The following USP34 variants were observed in gnomAD, a reference collection of about 807,000 sequenced individuals.
USP34 encodes ubiquitin carboxyl-terminal hydrolase 34.
Under a neutral mutation model 460.3 loss-of-function variants are expected in USP34, and 70 were observed. That is an observed-to-expected ratio of 0.15 (90% CI 0.13 to 0.19). The LOEUF (loss-of-function observed/expected upper bound fraction) is 0.19. Among genes scored for constraint, USP34 ranks in the 10% least tolerant of loss-of-function variants. USP34 has a pLI of 1.00. For synonymous variants in USP34, 1,647 were observed against 1,405.3 expected, an observed-to-expected ratio of 1.17 and a Z score of -3.85; for missense variants, 3,985 against 4,236.2, an observed-to-expected ratio of 0.94 and a Z score of 1.65.
intron 5 of USP34, among the ~76,000 whole-genome samples, chr2:61,393,114 A>G (rs533471579): frequency 6.6e-6 from 1 of 152,300 alleles, no homozygotes; most frequent in South Asian, 2.1e-4. Flanking sequence ...TATCATCATC[A>G]TTCCCATTTT....
chr2:61,293,590 A>G, intron 32 of USP34, 40 bp from the exon 33 acceptor site: 1 of 1,490,624 alleles, frequency 6.7e-7, no homozygotes, highest in Non-Finnish European at 9.3e-7. Context: ...AGAAAAGCAG[A>G]TATATAATGC....
intron 8 of USP34, among the ~76,000 whole-genome samples, chr2:61,376,321 T>C (rs765529068): frequency 6.6e-5 from 10 of 152,244 alleles, no homozygotes; most frequent in Non-Finnish European, 1.0e-4. Flanking sequence ...TACTCTCCCT[T>C]GCCATCTTGA....
At chr2:61,424,744 G>C (rs1694461190) in intron 1 of USP34, among the ~76,000 whole-genome samples, 1 of 151,962 alleles carries the variant, frequency 6.6e-6, no homozygotes, top group Non-Finnish European at 1.5e-5. Context: ...TAAATTTTAT[G>C]TTCTATATTT....
Position 61,229,489 on chromosome 2 carries a change from CAAA to C in USP34, c.7199+56_7199+58del, listed in dbSNP as rs1687830787. ...AAAAAAAAAAAACAAAAAAAAAAAA[CAAA>C]AACACCACACACACACAACACAGAC... On this transcript the variant is annotated intron_variant, in intron 59 of 79. Coordinates refer to ENST00000398571, the MANE Select transcript of USP34 (RefSeq NM_014709.4). 12 of 412,060 alleles carry C rather than the reference CAAA, an allele frequency of 2.9e-5. No individual in the cohort carries two copies. In the South Asian group the frequency reaches 5.6e-4, roughly 19 times the overall value. 25.5% of individuals were successfully genotyped at this position (412,060 alleles called of 1,614,324 possible). A position where few individuals can be genotyped will look rare whatever the true frequency, so the allele number is the denominator to read the frequency against.
intron 3 of USP34, among the ~76,000 whole-genome samples, chr2:61,395,594 C>T: frequency 6.9e-6 from 1 of 145,038 alleles, no homozygotes; most frequent in South Asian, 2.1e-4. Flanking sequence ...GTCAGGAGAT[C>T]GAGACCACGG....
At chr2:61,448,045 T>C (rs1389312585) in intron 1 of USP34, among the ~76,000 whole-genome samples, 1 of 152,188 alleles carries the variant, frequency 6.6e-6, no homozygotes, top group Non-Finnish European at 1.5e-5. Flanking sequence ...CAAGTCAAAA[T>C]TTATTTTAAA....
At chr2:61,320,182 T>G (rs1320175385) in intron 21 of USP34, among the ~76,000 whole-genome samples, 1 of 152,264 alleles carries the variant, frequency 6.6e-6, no homozygotes, top group Non-Finnish European at 1.5e-5. Context: ...ACAATTTGTA[T>G]TCATTCATTT....
At chr2:61,329,151 A>G (rs531916076) in intron 20 of USP34, among the ~76,000 whole-genome samples, 33 of 151,030 alleles carry the variant, frequency 2.2e-4, no homozygotes, top group African/African-American at 8.0e-4. Flanking sequence ...CCGCCTGAGT[A>G]GCTGAGATTA....
intron 18 of USP34, among the ~76,000 whole-genome samples, chr2:61,338,830 G>A (rs1055065608): frequency 6.6e-6 from 1 of 152,128 alleles, no homozygotes; most frequent in Non-Finnish European, 1.5e-5. Context: ...AAAGACTTTT[G>A]AGGTATGACA....
chr2:61,431,522 T>C (rs1694674525), intron 1 of USP34, among the ~76,000 whole-genome samples: 1 of 152,352 alleles, frequency 6.6e-6, no homozygotes, highest in Admixed American at 6.5e-5. Context: ...TCACTGATCC[T>C]GGCTTTAGGA....
chr2:61,244,046 G>T lies in USP34; in HGVS notation c.6627+1164C>A, dbSNP rs1018653716. Among the ~76,000 whole-genome samples, 8 of 151,852 alleles carry T rather than the reference G, an allele frequency of 5.3e-5. No individual in the cohort carries two copies. In the East Asian group the frequency reaches 1.2e-3, roughly 22 times the overall value. On this transcript the variant is annotated intron_variant, in intron 51 of 79. Transcript: ENST00000398571. ...AGACAAGAACACCGAGAAGCAATAA[G>T]GAAGCCCTTCATTAAAATCTGGAAT... is the stretch of plus-strand genomic sequence containing the variant.
At chr2:61,199,437 G>A (rs1284637116) in intron 75 of USP34, among the ~76,000 whole-genome samples, 6 of 152,102 alleles carry the variant, frequency 3.9e-5, no homozygotes, top group Admixed American at 3.3e-4. Flanking sequence ...TGTATTTTCA[G>A]TAGAGACAGG....
In USP34 at chr2:61,344,189, C is replaced by T. The variant is rs915346322; in HGVS notation, c.2286-160G>A. Among the ~76,000 whole-genome samples, 35 of 152,138 alleles carry T rather than the reference C, an allele frequency of 2.3e-4. 1 individual carries two copies. The highest frequency in any genetic ancestry group is 1.8e-3 in the Admixed American group (27 of 15,272). On this transcript the variant is annotated intron_variant, in intron 15 of 79. Coordinates refer to ENST00000398571, the MANE Select transcript of USP34 (RefSeq NM_014709.4). ...GTTGAGAGCTTTACGAAACTGAAAA[C>T]TTCACACTGTCAGAATTATTAAATA...
At chr2:61,287,569 C>T (rs1170672744) in intron 34 of USP34, among the ~76,000 whole-genome samples, 1 of 152,210 alleles carries the variant, frequency 6.6e-6, no homozygotes, top group Admixed American at 6.5e-5. Context: ...TCCTCTTCTA[C>T]TTCCTGATCA....
chr2:61,328,158 C>G (rs1411338946), intron 20 of USP34, among the ~76,000 whole-genome samples: 1 of 151,906 alleles, frequency 6.6e-6, no homozygotes, highest in East Asian at 1.9e-4. Flanking sequence ...GAAAACGAGC[C>G]GGGTGCAGTG....
chr2:61,251,651 T>C (rs1312062142), intron 48 of USP34, among the ~76,000 whole-genome samples: 1 of 152,240 alleles, frequency 6.6e-6, no homozygotes, highest in Non-Finnish European at 1.5e-5. Flanking sequence ...TTTATTCCTA[T>C]CCTTTGTCCT....
chr2:61,394,015 G>C (rs1693437747), intron 5 of USP34, among the ~76,000 whole-genome samples: 1 of 152,068 alleles, frequency 6.6e-6, no homozygotes, highest in Non-Finnish European at 1.5e-5. Context: ...CAGCTACTTG[G>C]GAGGCTGAGG....
intron 34 of USP34, among the ~76,000 whole-genome samples, chr2:61,287,124 T>C (rs1482714939): frequency 1.3e-5 from 2 of 152,226 alleles, no homozygotes; most frequent in African/African-American, 2.4e-5. Flanking sequence ...ATGTAAATGA[T>C]TTGGAATACT....
intron 29 of USP34, among the ~76,000 whole-genome samples, chr2:61,298,096 G>A (rs2103631977): frequency 6.6e-6 from 1 of 152,152 alleles, no homozygotes; most frequent in East Asian, 1.9e-4. Context: ...GTTCTGCAAT[G>A]ACTGAAAGTC....
Sources: gnomAD v4.1 joint callset for allele counts (sites outside exome capture counted in the v4.1 genomes callset) on GRCh38, gnomAD v4.1.1 for gene constraint, MANE v1.5 for transcripts, NCBI Gene and HGNC (gene_info 2026-07-23, HGNC 2026-07-21) for gene names.